The following CCDC142 variants were observed in gnomAD, a reference collection of about 807,000 sequenced individuals.
The protein encoded by CCDC142 is coiled-coil domain-containing protein 142.
In CCDC142, 67 loss-of-function variants were observed where a neutral mutation model predicts 83.8. The observed-to-expected ratio is 0.80, with a 90% confidence interval of 0.66 to 0.98. The LOEUF (loss-of-function observed/expected upper bound fraction) is 0.98. Among genes scored for constraint, CCDC142 ranks in the 50% least tolerant of loss-of-function variants. CCDC142 has a pLI of 0.00. For missense variants in CCDC142, 905 were observed against 946.8 expected, an observed-to-expected ratio of 0.96 and a Z score of 0.58; for synonymous variants, 421 against 421.2, an observed-to-expected ratio of 1.00 and a Z score of 0.01.
In CCDC142 at chr2:74,480,768, C is replaced by A; in HGVS notation, c.1503+1G>T. The A allele has an allele frequency of 6.2e-7, 1 of 1,609,012 alleles. No individual in the cohort carries two copies. The highest frequency in any genetic ancestry group is 8.5e-7 in the Non-Finnish European group (1 of 1,176,106). Reference sequence around the variant, plus strand: ...GCCACTGTTGAGGCCCCTGTTCTCACCTGGATCTGTGCAGTCAGCTTCTGG... The same window carrying A: ...GCCACTGTTGAGGCCCCTGTTCTCAACTGGATCTGTGCAGTCAGCTTCTGG... On this transcript the variant is annotated splice_donor_variant, in intron 5 of 8. Coordinates refer to ENST00000393965, the MANE Select transcript of CCDC142 (RefSeq NM_001365575.2). LOFTEE classifies it high-confidence loss of function.
At position 74,473,012 on chromosome 2, in the gene CCDC142, G is replaced by T; in HGVS notation, c.*1534C>A. 2.9e-6 allele frequency: 1 copy of T among 344,128 alleles called. No individual in the cohort carries two copies. The highest frequency in any genetic ancestry group is 5.4e-6 in the Non-Finnish European group (1 of 183,522). The allele number at this position is 344,128 out of a possible 1,614,324, so 21.3% of individuals were successfully genotyped here. ...TCTGTACCCTGCTGGGCCACATCTAGGCTAACTCGATCTTAAATCCTGGCT... is the reference window on the plus strand; with the variant it reads ...TCTGTACCCTGCTGGGCCACATCTATGCTAACTCGATCTTAAATCCTGGCT... On this transcript the variant is annotated 3_prime_UTR_variant, in exon 9 of 9. Transcript: ENST00000393965.
At chr2:74,478,395 G>C (rs2104013527) in intron 5 of CCDC142, among the ~76,000 whole-genome samples, 1 of 145,654 alleles carries the variant, frequency 6.9e-6, no homozygotes, top group East Asian at 2.1e-4. Flanking sequence ...TTTTTTTTGA[G>C]ACAGAATTTT....
intron 1 of CCDC142, 110 bp from the exon 2 acceptor site, chr2:74,481,648 G>A: frequency 7.3e-7 from 1 of 1,371,148 alleles, no homozygotes; most frequent in Admixed American, 1.8e-5. Flanking sequence ...CTCGGGACTG[G>A]GGTGGAAAGC....
chr2:74,482,903 G>A lies in CCDC142; in HGVS notation c.-66C>T. 1 of 1,567,876 alleles carries A rather than the reference G, an allele frequency of 6.4e-7. No individual in the cohort carries two copies. Reference sequence around the variant, plus strand: ...CCTGCACGGACCAACGCCCGCCGCAGCTCGGACTTCGCCCCATCGCAAGAG... The same window carrying A: ...CCTGCACGGACCAACGCCCGCCGCAACTCGGACTTCGCCCCATCGCAAGAG... On this transcript the variant is annotated 5_prime_UTR_variant, in exon 1 of 9. Transcript: ENST00000393965. The surrounding 1 kb of genome is among the most constrained non-coding windows in gnomAD (Gnocchi z 5.0).
In CCDC142 at chr2:74,473,791, A is replaced by G. The variant is rs185231515; in HGVS notation, c.*755T>C. On this transcript the variant is annotated 3_prime_UTR_variant, in exon 9 of 9. Transcript: ENST00000393965. The stretch of plus-strand genomic sequence containing the variant: ...TTTTTTTTTTTTTTTTTTTTTTTTG[A>G]GACGAAGTTTTGCCCTTGTTGCCCA... The G allele has an allele frequency of 9.2e-3, 360 of 39,246 alleles. 1 individual carries two copies. Among genetic ancestry groups the G allele is most frequent in the African/African-American group, 0.03 (328 of 11,066 alleles). The allele number at this position is 39,246 out of a possible 1,614,324, so 2.4% of individuals were successfully genotyped here.
chr2:74,480,744 C>A (rs1672421239), intron 5 of CCDC142, 25 bp downstream of exon 5: 1 of 1,541,002 alleles, frequency 6.5e-7, no homozygotes, highest in African/African-American at 1.4e-5. Context: ...TCTTACACTG[C>A]CACTGTTGAG....
chr2:74,475,139 C>A, intron 7 of CCDC142, 24 bp from the exon 8 acceptor site: 1 of 1,610,146 alleles, frequency 6.2e-7, no homozygotes, highest in Non-Finnish European at 8.5e-7. Context: ...TACAGTATGG[C>A]CACTTGACCC....
chr2:74,476,014 AAG>A (rs1395684487), intron 5 of CCDC142, among the ~76,000 whole-genome samples: 1 of 149,110 alleles, frequency 6.7e-6, no homozygotes. Context: ...TTTAAGGAAA[AAG>A]AAAGACATAC....
rs957181063 is a variant in CCDC142, at chr2:74,473,661, G to T, written c.*885C>A. 2 of 151,952 alleles carry T rather than the reference G, an allele frequency of 1.3e-5. No homozygotes were observed. Among genetic ancestry groups the T allele is most frequent in the Non-Finnish European group, 2.9e-5 (2 of 68,076 alleles). The allele number at this position is 151,952 out of a possible 1,614,324, so 9.4% of individuals were successfully genotyped here. A position where few individuals can be genotyped will look rare whatever the true frequency, so the allele number is the denominator to read the frequency against. ...ACTCTTTATCCCTGAGATATCTTCA[G>T]TGATGGAGAACTAGGCCTGAACCTC... On this transcript the variant is annotated 3_prime_UTR_variant, in exon 9 of 9. Transcript: ENST00000393965.
intron 5 of CCDC142, among the ~76,000 whole-genome samples, chr2:74,476,197 G>C (rs758169058): frequency 3.9e-5 from 6 of 152,168 alleles, no homozygotes; most frequent in African/African-American, 1.4e-4. Flanking sequence ...TTTTGAGGCA[G>C]AGTCTTGCTG....
chr2:74,481,778 C>T (rs1161030973), intron 1 of CCDC142, 39 bp downstream of exon 1: 1 of 1,578,936 alleles, frequency 6.3e-7, no homozygotes, highest in South Asian at 1.2e-5. Context: ...AGGAAGAGAC[C>T]CCAGCCTTCC....
intron 5 of CCDC142, among the ~76,000 whole-genome samples, chr2:74,478,185 C>T (rs964334040): frequency 2.5e-4 from 37 of 148,158 alleles, no homozygotes; most frequent in African/African-American, 8.4e-4. Flanking sequence ...CCTCAGCCTC[C>T]CGAGTAGCTG....
chr2:74,480,644 AAGAT>A, intron 5 of CCDC142, 121 bp downstream of exon 5: 1 of 635,358 alleles, frequency 1.6e-6, no homozygotes, highest in African/African-American at 1.8e-5. Flanking sequence ...AGAGCAAAAA[AAGAT>A]ACATTTAGCA....
chr2:74,481,888 A>C lies in CCDC142; in HGVS notation c.950T>G (p.Leu317Arg). ...CCTCCAGGGTCCCAGATTTAGGTCC[A>C]GACTCTGAGCACAGGCTGCCCACAG... Reference protein sequence around the residue: ...TLLWAACAQSLDLNLGPWRDP... With the variant: ...TLLWAACAQSRDLNLGPWRDP... The change falls in exon 1 of 9, where the codon CTG becomes CGG. Residue 317 changes from leucine to arginine, a missense_variant. Physicochemically the swap from Leu to Arg is moderately radical, Grantham distance 102. Coordinates refer to ENST00000393965, the MANE Select transcript of CCDC142 (RefSeq NM_001365575.2). 1.9e-6 allele frequency: 3 copies of C among 1,614,188 alleles called. No homozygotes were observed. The highest frequency in any genetic ancestry group is 2.5e-6 in the Non-Finnish European group (3 of 1,180,018).
At chr2:74,480,656 G>T in intron 5 of CCDC142, 113 bp downstream of exon 5, 2 of 663,510 alleles carry the variant, frequency 3.0e-6, no homozygotes, top group South Asian at 2.2e-5. Context: ...GATACATTTA[G>T]CAGAGACTCC....
chr2:74,474,277 G>A lies in CCDC142; in HGVS notation c.*269C>T, dbSNP rs1672259881. ...TTTTTGTATTTTTAGTGGAAACAGG[G>A]TTTCACCGTGTTAGCCAGGATGGTC... On this transcript the variant is annotated 3_prime_UTR_variant, in exon 9 of 9. Transcript: ENST00000393965. The A allele has an allele frequency of 7.3e-6, 2 of 272,880 alleles. No individual in the cohort carries two copies. Among genetic ancestry groups the A allele is most frequent in the Non-Finnish European group, 6.9e-6 (1 of 145,090 alleles). 16.9% of individuals were successfully genotyped at this position (272,880 alleles called of 1,614,324 possible).
Position 74,474,704 on chromosome 2 carries a change from GGGCT to G in CCDC142, c.2091_2094del (p.Ala698ArgfsTer9), listed in dbSNP as rs1488461132. 2 of 1,614,090 alleles carry G rather than the reference GGGCT, an allele frequency of 1.2e-6. No individual in the cohort carries two copies. The highest frequency in any genetic ancestry group is 2.7e-5 in the African/African-American group (2 of 74,926). On this transcript the variant is annotated frameshift_variant, in exon 9 of 9. Coordinates refer to ENST00000393965, the MANE Select transcript of CCDC142 (RefSeq NM_001365575.2). LOFTEE classifies it high-confidence loss of function. ...AGTGTGCTTTGCAGCTGACCTGTCTGGGCTGGAGATGTTCCAGGCTGGAGCGGGG... is the reference window on the plus strand; with the variant it reads ...AGTGTGCTTTGCAGCTGACCTGTCTGGGAGATGTTCCAGGCTGGAGCGGGG...
rs1672483712 is a variant in CCDC142 at position 74,481,835 on chromosome 2, T to C, written c.1003A>G (p.Ser335Gly). The change falls in exon 1 of 9, where the codon AGT (serine) becomes GGT (glycine). Residue 335 changes from serine (S) to glycine (G), a missense_variant. Around this residue, in one of 3 missense-constraint regions of CCDC142, gnomAD observed 591 missense variants for 571.4 expected, o/e 1.03. Coordinates refer to ENST00000393965, the MANE Select transcript of CCDC142 (RefSeq NM_001365575.2). Reference sequence around the variant, plus strand: ...CACTCACCCTGACCCAGTGCCTGACTCAGCTGTTGCGCTGTTGCCCTGGGG... The same window carrying C: ...CACTCACCCTGACCCAGTGCCTGACCCAGCTGTTGCGCTGTTGCCCTGGGG... ...RDPRATAQQLSQALGQASLPQ... is the reference protein window; with the variant it reads ...RDPRATAQQLGQALGQASLPQ... 2 of 1,612,442 alleles carry C rather than the reference T, an allele frequency of 1.2e-6. No homozygotes were observed. Among genetic ancestry groups the C allele is most frequent in the African/African-American group, 2.7e-5 (2 of 74,876 alleles).
In CCDC142 at chr2:74,474,523, T is replaced by C. The variant is rs779977284; in HGVS notation, c.*23A>G. Reference sequence around the variant, plus strand: ...GCTAGAGATGGGGAGCTCTTAACTTTCTGGCTCCTGGTCCCAGGCTCCTTA... The same window carrying C: ...GCTAGAGATGGGGAGCTCTTAACTTCCTGGCTCCTGGTCCCAGGCTCCTTA... On this transcript the variant is annotated 3_prime_UTR_variant, in exon 9 of 9. Transcript: ENST00000393965. 1.3e-6 allele frequency: 2 copies of C among 1,563,484 alleles called. No individual in the cohort carries two copies. The highest frequency in any genetic ancestry group is 1.7e-6 in the Non-Finnish European group (2 of 1,158,932).
Sources: allele counts gnomAD v4.1 joint callset (sites outside exome capture counted in the v4.1 genomes callset), GRCh38; gene constraint gnomAD v4.1.1; regional missense constraint gnomAD v4.1.1; non-coding constraint Gnocchi (gnomAD v3.1); transcripts MANE v1.5; gene names NCBI Gene and HGNC (gene_info 2026-07-23, HGNC 2026-07-21).